IL1R1: variants seen among roughly 807,000 people sequenced by gnomAD.
IL1R1 encodes the protein interleukin 1 receptor type 1.
In IL1R1, 22 loss-of-function variants were observed where a neutral mutation model predicts 50.2. That is an observed-to-expected ratio of 0.44 (90% CI 0.31 to 0.63). IL1R1 has a LOEUF of 0.63. Ranked by LOEUF, IL1R1 falls within the 20% of genes least tolerant of loss-of-function variation. The pLI, the probability that IL1R1 is intolerant of heterozygous loss-of-function variation, is 0.07. For synonymous variants in IL1R1, 251 were observed against 236.7 expected (o/e 1.06, Z -0.55); for missense variants, 509 against 676.2 (o/e 0.75, Z 2.74).
chr2:102,141,338 T>C (rs1387141354), upstream of IL1R1, among the ~76,000 whole-genome samples: 2 of 152,238 alleles, frequency 1.3e-5, no homozygotes, highest in Admixed American at 1.3e-4. Flanking sequence ...AGGAGTGTCA[T>C]GTCCTCCGGT....
Position 102,176,507 on chromosome 2 carries a change from C to T in IL1R1, c.1458C>T (p.Val486=), listed in dbSNP as rs1388329709. ...NALVQDGIKV[V]LLELEKIQDY... ...TTGTTCAGGATGGAATTAAAGTTGT[C>T]CTGCTTGAGCTGGAGAAAATCCAAG... Residue 486 remains valine, a synonymous_variant, in exon 12 of 12, where the codon GTC becomes GTT. Transcript: ENST00000410023. 1 of 1,614,112 alleles carries T rather than the reference C, an allele frequency of 6.2e-7. No homozygotes were observed. Among genetic ancestry groups the T allele is most frequent in the Non-Finnish European group, 8.5e-7 (1 of 1,180,014 alleles).
chr2:102,091,834 G>A (rs765010538), intron 1 of IL1R1, among the ~76,000 whole-genome samples: 2 of 152,078 alleles, frequency 1.3e-5, no homozygotes, highest in Non-Finnish European at 2.9e-5. Context: ...CTACCTTCAT[G>A]GGATTAACTT....
intron 1 of IL1R1, among the ~76,000 whole-genome samples, chr2:102,129,134 C>T (rs945844650): frequency 6.6e-6 from 1 of 152,000 alleles, no homozygotes; most frequent in Non-Finnish European, 1.5e-5. Context: ...ATACTTGAGC[C>T]CAGGAGATTG....
At chr2:102,108,817 G>A (rs1008935734) in intron 1 of IL1R1, among the ~76,000 whole-genome samples, 2 of 151,978 alleles carry the variant, frequency 1.3e-5, no homozygotes, top group Non-Finnish European at 2.9e-5. Flanking sequence ...AGGTGCAAGT[G>A]TCATGGATTT....
chr2:102,145,660 A>G (rs1045356785), intron 1 of IL1R1, among the ~76,000 whole-genome samples: 1 of 152,200 alleles, frequency 6.6e-6, no homozygotes, highest in Non-Finnish European at 1.5e-5. Context: ...GAGGCTTGAC[A>G]TGTGCAGTGT....
chr2:102,113,799 G>C (rs1355065331), intron 1 of IL1R1, among the ~76,000 whole-genome samples: 1 of 152,292 alleles, frequency 6.6e-6, no homozygotes, highest in East Asian at 1.9e-4. Flanking sequence ...CATGATGTCT[G>C]GGAGCTTTTC....
At chr2:102,168,476 G>C in intron 6 of IL1R1, 122 bp from the exon 7 acceptor site, 1 of 799,344 alleles carries the variant, frequency 1.3e-6, no homozygotes, top group Non-Finnish European at 2.2e-6. Context: ...TGGCATATGT[G>C]CTTTGAACAC....
At chr2:102,079,258 T>A (rs937075407) in intron 1 of IL1R1, among the ~76,000 whole-genome samples, 2 of 152,130 alleles carry the variant, frequency 1.3e-5, no homozygotes, top group Non-Finnish European at 2.9e-5. Flanking sequence ...GTACTAAGAA[T>A]GCTAGCTAGG....
rs920687391 is a variant in IL1R1 at position 102,125,977 on chromosome 2, T to C, written c.-84+21105T>C. ...AATCAGGAAAAATCAAAGAAGAAAATAGTGTCTTCAGCTCCAACCATTACC... is the reference window on the plus strand; with the variant it reads ...AATCAGGAAAAATCAAAGAAGAAAACAGTGTCTTCAGCTCCAACCATTACC... On this transcript the variant is annotated intron_variant, in intron 1 of 10. Transcript: ENST00000409329. Among the ~76,000 whole-genome samples, 5 of 151,926 alleles carry C rather than the reference T, an allele frequency of 3.3e-5. No homozygotes were observed. In the East Asian group the frequency reaches 9.7e-4, roughly 29 times the overall value.
intron 2 of IL1R1, among the ~76,000 whole-genome samples, chr2:102,156,669 A>G (rs974632894): frequency 1.3e-5 from 2 of 151,910 alleles, no homozygotes; most frequent in African/African-American, 4.8e-5. Context: ...GCACCACCAC[A>G]CCCAGCTAAT....
upstream of IL1R1, chr2:102,141,760 T>G (rs904125454): frequency 6.6e-6 from 1 of 152,138 alleles, no homozygotes; most frequent in East Asian, 1.9e-4. Flanking sequence ...CTATCATCAT[T>G]TATTAAAACT....
At chr2:102,157,586 A>G (rs1478896797) in intron 2 of IL1R1, 133 bp from the exon 3 acceptor site, 1 of 670,718 alleles carries the variant, frequency 1.5e-6, no homozygotes, top group African/African-American at 1.8e-5. Context: ...CATGATGTAG[A>G]AAAACCAGTT....
chr2:102,174,755 A>T, intron 10 of IL1R1, 25 bp downstream of exon 10: 1 of 1,583,854 alleles, frequency 6.3e-7, no homozygotes, highest in Non-Finnish European at 8.6e-7. Flanking sequence ...TCCATGCAGT[A>T]TTTCTTGTTG....
At chr2:102,078,681 A>G (rs1013729051) in intron 1 of IL1R1, among the ~76,000 whole-genome samples, 1 of 152,046 alleles carries the variant, frequency 6.6e-6, no homozygotes, top group Non-Finnish European at 1.5e-5. Flanking sequence ...GATGAGCAGC[A>G]ATCCTTCAGA....
At chr2:102,168,710 T>TTA in intron 7 of IL1R1, 47 bp downstream of exon 7, 3 of 1,241,104 alleles carry the variant, frequency 2.4e-6, no homozygotes, top group South Asian at 1.3e-5. Context: ...TTTTTTTTTT[T>TTA]AAAACATAAG....
At chr2:102,123,515 C>T (rs746100960) in intron 1 of IL1R1, among the ~76,000 whole-genome samples, 5 of 152,206 alleles carry the variant, frequency 3.3e-5, no homozygotes, top group Non-Finnish European at 5.9e-5. Context: ...GTGGCTCACA[C>T]TTGTAATCCC....
intron 1 of IL1R1, among the ~76,000 whole-genome samples, chr2:102,099,127 A>C (rs1038466380): frequency 6.6e-6 from 1 of 152,216 alleles, no homozygotes; most frequent in East Asian, 1.9e-4. Context: ...ATAGAGTAAA[A>C]GAGAAGAAAA....
chr2:102,072,236 G>T (rs1678759684), intron 1 of IL1R1, among the ~76,000 whole-genome samples: 1 of 151,038 alleles, frequency 6.6e-6, no homozygotes, highest in East Asian at 1.9e-4. Context: ...CTCCAGCCTG[G>T]GTGACAGAGC....
chr2:102,107,601 C>T (rs1680492674), intron 1 of IL1R1, among the ~76,000 whole-genome samples: 1 of 152,048 alleles, frequency 6.6e-6, no homozygotes, highest in Non-Finnish European at 1.5e-5. Flanking sequence ...TGTAACAAAC[C>T]TGCATGTTGT....
Sources: allele counts gnomAD v4.1 joint callset (sites outside exome capture counted in the v4.1 genomes callset), GRCh38; gene constraint gnomAD v4.1.1; transcripts MANE v1.5; gene names NCBI Gene and HGNC (gene_info 2026-07-23, HGNC 2026-07-21).